Variants in NEDD4 observed in about 807,000 individuals in gnomAD.
NEDD4 encodes the protein E3 ubiquitin-protein ligase NEDD4.
A neutral mutation model predicts 144.9 loss-of-function variants in NEDD4; 99 were observed. The observed-to-expected ratio is 0.68, with a 90% CI of 0.58 to 0.81. The LOEUF (loss-of-function observed/expected upper bound fraction) is 0.81. NEDD4 is among the 30% of genes least tolerant of loss of function. The pLI is 0.00. For synonymous variants in NEDD4, 318 were observed against 350.6 expected (o/e 0.91, Z 1.04); for missense variants, 985 against 1,065.9 (o/e 0.92, Z 1.06).
chr15:55,961,087 C>G (rs1181810805), intron 2 of NEDD4, among the ~76,000 whole-genome samples: 1 of 152,184 alleles, frequency 6.6e-6, no homozygotes, highest in Non-Finnish European at 1.5e-5. Flanking sequence ...TTGGTAGGAA[C>G]AAACTGGACA....
intron 26 of NEDD4, among the ~76,000 whole-genome samples, chr15:55,833,564 G>A (rs1310189133): frequency 6.6e-6 from 1 of 152,204 alleles, no homozygotes; most frequent in Non-Finnish European, 1.5e-5. Flanking sequence ...GGGAAGCTGA[G>A]GCAAGAGAAT....
At chr15:55,915,856 G>A in intron 5 of NEDD4, 1 of 1,613,894 alleles carries the variant, frequency 6.2e-7, no homozygotes, top group Non-Finnish European at 8.5e-7. Flanking sequence ...GATAACCGAA[G>A]TCCATTGACA....
At chr15:55,950,778 G>A (rs67312536) in intron 4 of NEDD4, among the ~76,000 whole-genome samples, 20,433 of 152,090 alleles carry the variant, frequency 0.13, 1,501 homozygotes, top group East Asian at 0.32. Context: ...GAACATTTTA[G>A]GGATGATACA....
intron 15 of NEDD4, 65 bp downstream of exon 15, chr15:55,848,741 A>G (rs2142002721): frequency 1.4e-6 from 2 of 1,424,532 alleles, no homozygotes; most frequent in Non-Finnish European, 2.0e-6. Flanking sequence ...AAGAAATACT[A>G]TACCCGAAAA....
At chr15:55,833,682 T>C (rs953991193) in intron 26 of NEDD4, among the ~76,000 whole-genome samples, 12 of 152,058 alleles carry the variant, frequency 7.9e-5, no homozygotes, top group African/African-American at 2.4e-4. Context: ...TATATTAATA[T>C]GATTGAATGG....
intron 8 of NEDD4, among the ~76,000 whole-genome samples, chr15:55,868,328 A>T (rs2034655653): frequency 6.6e-6 from 1 of 152,162 alleles, no homozygotes; most frequent in Admixed American, 6.5e-5. Context: ...CCTCCAGAGC[A>T]ATTTGGTGCC....
chr15:55,869,181 G>A (rs1476216384), intron 8 of NEDD4, among the ~76,000 whole-genome samples: 1 of 151,996 alleles, frequency 6.6e-6, no homozygotes, highest in East Asian at 1.9e-4. Flanking sequence ...CCTTTCCTAT[G>A]AGCCCTCCCA....
intron 5 of NEDD4, among the ~76,000 whole-genome samples, chr15:55,876,303 C>A (rs1439287498): frequency 1.3e-5 from 2 of 150,178 alleles, no homozygotes; most frequent in African/African-American, 4.9e-5. Context: ...AAATTCAGAT[C>A]TAAAGAGAGT....
intron 12 of NEDD4, among the ~76,000 whole-genome samples, chr15:55,853,293 A>G (rs1482180014): frequency 2.0e-5 from 3 of 152,230 alleles, no homozygotes; most frequent in Non-Finnish European, 4.4e-5. Context: ...AATGAGAGTG[A>G]TAACAACCCT....
At chr15:55,897,954 T>C (rs1403386007) in intron 5 of NEDD4, among the ~76,000 whole-genome samples, 7 of 152,206 alleles carry the variant, frequency 4.6e-5, no homozygotes, top group African/African-American at 1.4e-4. Context: ...TTGGTAAAGT[T>C]TGACAGATTA....
At chr15:55,972,695 T>C (rs2037631776) in intron 1 of NEDD4, among the ~76,000 whole-genome samples, 2 of 151,918 alleles carry the variant, frequency 1.3e-5, no homozygotes, top group South Asian at 4.2e-4. Flanking sequence ...AGACATAGAG[T>C]GGTTGATGGA....
chr15:55,865,197 CAA>C (rs34140490), intron 8 of NEDD4, among the ~76,000 whole-genome samples: 6 of 84,966 alleles, frequency 7.1e-5, no homozygotes, highest in African/African-American at 9.8e-5. Context: ...GACTCTGTCT[CAA>C]AAAAAAAAAA....
chr15:55,864,606 C>T (rs1230359205), intron 8 of NEDD4, among the ~76,000 whole-genome samples: 3 of 150,892 alleles, frequency 2.0e-5, no homozygotes, highest in East Asian at 2.0e-4. Flanking sequence ...CACTTGAACC[C>T]GAGAGGCGGA....
chr15:55,934,625 T>C (rs995868454), intron 4 of NEDD4: 5 of 151,948 alleles, frequency 3.3e-5, no homozygotes, highest in Admixed American at 3.3e-4. Flanking sequence ...ACTGTAGATA[T>C]ACGGCCACGG....
At chr15:55,984,048 T>C (rs1277115682) in intron 1 of NEDD4, among the ~76,000 whole-genome samples, 1 of 152,212 alleles carries the variant, frequency 6.6e-6, no homozygotes, top group African/African-American at 2.4e-5. Flanking sequence ...TTATACCTCA[T>C]GCCCTGACCC....
At chr15:55,989,283 T>C (rs1182994350) in intron 1 of NEDD4, among the ~76,000 whole-genome samples, 4 of 152,196 alleles carry the variant, frequency 2.6e-5, no homozygotes, top group Non-Finnish European at 5.9e-5. Context: ...AAATACACTA[T>C]ATTTATTCAC....
At chr15:55,867,861 G>A (rs1171701545) in intron 8 of NEDD4, among the ~76,000 whole-genome samples, 1 of 152,190 alleles carries the variant, frequency 6.6e-6, no homozygotes. Flanking sequence ...TTCAAGACCA[G>A]CCTGGCCAAC....
In NEDD4 at chr15:55,954,235, G is replaced by A. The variant is rs563795093; in HGVS notation, c.120-2646C>T. On this transcript the variant is annotated intron_variant, in intron 2 of 28. Coordinates refer to ENST00000435532, the MANE Select transcript of NEDD4 (RefSeq NM_006154.4). ...AACACTCATCTCATTTTGCTTCTAC[G>A]ACACATCTCTTCTAGTGCTCCTCAT... Among the ~76,000 whole-genome samples the A allele has an allele frequency of 3.3e-5, 5 of 151,924 alleles. No individual in the cohort carries two copies. The East Asian group carries it at 7.8e-4, about 24-fold the overall frequency.
At chr15:55,850,050 G>A (rs565114757) in intron 14 of NEDD4, among the ~76,000 whole-genome samples, 10 of 151,900 alleles carry the variant, frequency 6.6e-5, no homozygotes, top group African/African-American at 1.5e-4. Flanking sequence ...CTCCCCCCTC[G>A]GCCTCCCAAA....
Sources: allele counts gnomAD v4.1 joint callset (sites outside exome capture counted in the v4.1 genomes callset), GRCh38; gene constraint gnomAD v4.1.1; transcripts MANE v1.5; gene names NCBI Gene and HGNC (gene_info 2026-07-23, HGNC 2026-07-21).